The following NOSTRIN variants were observed in gnomAD, a reference collection of about 807,000 sequenced individuals.
NOSTRIN encodes nitric oxide synthase trafficking, also known as BM247 homolog.
In NOSTRIN, 63 loss-of-function variants were observed where a neutral mutation model predicts 59.0. That is an observed-to-expected ratio of 1.07 (90% CI 0.87 to 1.32). The LOEUF is 1.32. Ranked by LOEUF, NOSTRIN falls within the 40% of genes most tolerant of loss-of-function variation. NOSTRIN has a pLI of 0.00. For synonymous variants in NOSTRIN, 200 were observed against 165.4 expected, an observed-to-expected ratio of 1.21 and a Z score of -1.61; for missense variants, 512 against 473.1, an observed-to-expected ratio of 1.08 and a Z score of -0.76.
At chr2:168,813,316 A>C (rs1686243855) in intron 2 of NOSTRIN, among the ~76,000 whole-genome samples, 1 of 152,156 alleles carries the variant, frequency 6.6e-6, no homozygotes. Context: ...CTGAGAGTTC[A>C]AAATTAGTGC....
chr2:168,802,504 G>T, upstream of NOSTRIN: 1 of 685,330 alleles, frequency 1.5e-6, no homozygotes, highest in South Asian at 1.6e-5. Flanking sequence ...CCAGGGCTGG[G>T]ACTTCCTCCT....
intron 1 of NOSTRIN, 94 bp from the exon 2 acceptor site, chr2:168,811,467 CATAGTT>C (rs1411319993): frequency 1.9e-5 from 10 of 535,908 alleles, no homozygotes; most frequent in Non-Finnish European, 2.7e-5. Flanking sequence ...TAATGACAGT[CATAGTT>C]ATAGTAGTTT....
At chr2:168,820,543 A>G (rs1020242782) in intron 2 of NOSTRIN, among the ~76,000 whole-genome samples, 1 of 152,100 alleles carries the variant, frequency 6.6e-6, no homozygotes, top group Non-Finnish European at 1.5e-5. Flanking sequence ...TAACCTGTAT[A>G]CCATGCTATA....
At chr2:168,824,351 T>G (rs1574281460) in intron 2 of NOSTRIN, among the ~76,000 whole-genome samples, 1 of 151,830 alleles carries the variant, frequency 6.6e-6, no homozygotes, top group Non-Finnish European at 1.5e-5. Flanking sequence ...CAGGCTGGAG[T>G]GCAGTGGCAC....
In NOSTRIN at chr2:168,851,293, T is replaced by A. The variant is rs749960006; in HGVS notation, c.744T>A (p.Ile248=). ...GQTLTTCHTQ[I]HCAISKIDIE... ...TGGCATTGCAGTGCCACACGCAGAT[T>A]CACTGTGCCATCAGCAAGATTGACA... Residue 248 remains isoleucine (I), a synonymous_variant, in exon 10 of 16, where the codon ATT becomes ATA. Coordinates refer to ENST00000317647, the MANE Select transcript of NOSTRIN (RefSeq NM_001039724.4). The A allele has an allele frequency of 6.2e-6, 10 of 1,613,820 alleles. No individual in the cohort carries two copies. The South Asian group carries it at 7.7e-5, about 12-fold the overall frequency.
intron 7 of NOSTRIN, among the ~76,000 whole-genome samples, chr2:168,836,898 G>A (rs947792072): frequency 6.6e-6 from 1 of 152,132 alleles, no homozygotes; most frequent in African/African-American, 2.4e-5. Context: ...AACTCCCCCT[G>A]TCTTATAGTC....
At chr2:168,794,405 G>T (rs916462382), upstream of NOSTRIN, among the ~76,000 whole-genome samples, 3 of 149,620 alleles carry the variant, frequency 2.0e-5, no homozygotes, top group African/African-American at 7.4e-5. Context: ...AGGCTGGAGT[G>T]CAGTGGCACG....
At chr2:168,797,288 G>A (rs756384953), upstream of NOSTRIN, among the ~76,000 whole-genome samples, 2 of 151,396 alleles carry the variant, frequency 1.3e-5, no homozygotes, top group Admixed American at 1.3e-4. Flanking sequence ...GTAGAGATGG[G>A]GTTTTACCAT....
intron 1 of NOSTRIN, among the ~76,000 whole-genome samples, chr2:168,804,205 A>G (rs1685731577): frequency 6.6e-6 from 1 of 152,214 alleles, no homozygotes; most frequent in Non-Finnish European, 1.5e-5. Context: ...AGCAGCCCCC[A>G]AGGCAACCCA....
At chr2:168,798,811 ATCGAT>A (rs1685548087), upstream of NOSTRIN, among the ~76,000 whole-genome samples, 1 of 70,744 alleles carries the variant, frequency 1.4e-5, no homozygotes, top group African/African-American at 4.7e-5. Context: ...CGATCGATCG[ATCGAT>A]AGATAGATAG....
At chr2:168,789,615 T>C (rs926434202) in intron 2 of NOSTRIN, among the ~76,000 whole-genome samples, 3 of 152,136 alleles carry the variant, frequency 2.0e-5, no homozygotes, top group African/African-American at 7.2e-5. Flanking sequence ...GTGCCTCCTA[T>C]TGATTAAACA....
At chr2:168,805,197 C>T (rs567210041) in intron 1 of NOSTRIN, among the ~76,000 whole-genome samples, 92 of 152,278 alleles carry the variant, frequency 6.0e-4, no homozygotes, top group African/African-American at 2.1e-3. Flanking sequence ...AATAGACTGA[C>T]AGCTGGGCCT....
At chr2:168,804,231 G>T (rs936310133) in intron 1 of NOSTRIN, among the ~76,000 whole-genome samples, 2 of 152,142 alleles carry the variant, frequency 1.3e-5, no homozygotes, top group Admixed American at 6.5e-5. Context: ...ACACTTCTGT[G>T]TCTGCTTAAA....
chr2:168,851,422 A>G lies in NOSTRIN; in HGVS notation c.855+18A>G. ...ATTACTTTGTGAGTATGAAATGGAA[A>G]AAAAAAGTTACATTAATGGAGAATC... On this transcript the variant is annotated intron_variant, in intron 10 of 15. Transcript: ENST00000317647. The G allele has an allele frequency of 6.3e-7, 1 of 1,588,048 alleles. No individual in the cohort carries two copies. The highest frequency in any genetic ancestry group is 8.5e-7 in the Non-Finnish European group (1 of 1,172,124).
At position 168,855,477 on chromosome 2, in the gene NOSTRIN, TTGAA is replaced by T; in HGVS notation, c.964+20_964+23del. The T allele has an allele frequency of 2.8e-6, 4 of 1,404,706 alleles. No homozygotes were observed. The highest frequency in any genetic ancestry group is 4.0e-6 in the Non-Finnish European group (4 of 993,952). 87.0% of individuals were successfully genotyped at this position (1,404,706 alleles called of 1,614,324 possible). A position where few individuals can be genotyped will look rare whatever the true frequency, so the allele number is the denominator to read the frequency against. On this transcript the variant is annotated intron_variant, in intron 11 of 15. Coordinates refer to ENST00000317647, the MANE Select transcript of NOSTRIN (RefSeq NM_001039724.4). Reference sequence around the variant, plus strand: ...ACAAGGAAGGTGTGTAACCATCTCTTTGAATGGCCAGAAAAGGGACCATATGATG... The same window carrying T: ...ACAAGGAAGGTGTGTAACCATCTCTTTGGCCAGAAAAGGGACCATATGATG...
chr2:168,828,094 C>A, intron 3 of NOSTRIN, 64 bp from the exon 4 acceptor site: 1 of 859,616 alleles, frequency 1.2e-6, no homozygotes, highest in Non-Finnish European at 2.0e-6. Flanking sequence ...TATTTCTAGC[C>A]AGCACATCCT....
At chr2:168,795,227 C>A (rs1685449457), upstream of NOSTRIN, among the ~76,000 whole-genome samples, 1 of 152,176 alleles carries the variant, frequency 6.6e-6, no homozygotes, top group Admixed American at 6.5e-5. Context: ...TCATAATGTG[C>A]CCTGGAGACT....
At chr2:168,859,747 AT>A in intron 13 of NOSTRIN, 110 bp downstream of exon 13, 1 of 1,338,558 alleles carries the variant, frequency 7.5e-7, no homozygotes, top group Non-Finnish European at 1.0e-6. Context: ...TGATATTAAT[AT>A]TCATGCAGTT....
chr2:168,822,455 T>C (rs1686800735), intron 2 of NOSTRIN, among the ~76,000 whole-genome samples: 1 of 152,214 alleles, frequency 6.6e-6, no homozygotes, highest in Admixed American at 6.5e-5. Flanking sequence ...GCCACGGAGT[T>C]AATTTGTGTG....
Sources: allele counts gnomAD v4.1 joint callset (sites outside exome capture counted in the v4.1 genomes callset), GRCh38; gene constraint gnomAD v4.1.1; transcripts MANE v1.5; gene names NCBI Gene and HGNC (gene_info 2026-07-23, HGNC 2026-07-21).